The following ZNF385B variants were observed in gnomAD, a reference collection of about 807,000 sequenced individuals.
ZNF385B encodes the protein zinc finger protein 385B.
Under a neutral mutation model 39.2 loss-of-function variants are expected in ZNF385B, and 23 were observed. The ratio of observed to expected loss-of-function variants is 0.59; its 90% CI spans 0.42 to 0.83. The LOEUF (loss-of-function observed/expected upper bound fraction) is 0.83, where lower values mean the gene tolerates loss of function less well. ZNF385B is among the 40% of genes least tolerant of loss of function. The pLI is 0.00. For missense variants in ZNF385B, 552 were observed against 598.9 expected (o/e 0.92, Z 0.82); for synonymous variants, 205 against 222.6 (o/e 0.92, Z 0.70).
At chr2:179,765,882 C>G (rs1404700337) in intron 3 of ZNF385B, among the ~76,000 whole-genome samples, 1 of 152,270 alleles carries the variant, frequency 6.6e-6, no homozygotes, top group Middle Eastern at 3.4e-3. Flanking sequence ...TATATGCAAA[C>G]TAAGTTACCT....
chr2:179,642,206 G>T (rs1044175230), intron 3 of ZNF385B, among the ~76,000 whole-genome samples: 1 of 152,118 alleles, frequency 6.6e-6, no homozygotes, highest in Non-Finnish European at 1.5e-5. Flanking sequence ...GAATCATTTG[G>T]TCTTGTCTTC....
chr2:179,621,852 T>C (rs142234796), intron 3 of ZNF385B, among the ~76,000 whole-genome samples: 1 of 152,314 alleles, frequency 6.6e-6, no homozygotes, highest in East Asian at 1.9e-4. Flanking sequence ...ACTATCTTCT[T>C]TTAGGCCACT....
intron 3 of ZNF385B, among the ~76,000 whole-genome samples, chr2:179,767,361 AG>A (rs1703762748): frequency 6.6e-6 from 1 of 152,202 alleles, no homozygotes; most frequent in Admixed American, 6.5e-5. Context: ...TCCCACCACT[AG>A]GCTGAAGAGC....
chr2:179,667,136 CA>C (rs1158073875), intron 3 of ZNF385B, among the ~76,000 whole-genome samples: 2 of 152,088 alleles, frequency 1.3e-5, no homozygotes. Flanking sequence ...TTCCCCCCAC[CA>C]AAAGGGAAAG....
chr2:179,734,728 T>C (rs1701628711), intron 3 of ZNF385B, among the ~76,000 whole-genome samples: 1 of 152,164 alleles, frequency 6.6e-6, no homozygotes, highest in Non-Finnish European at 1.5e-5. Context: ...AGAAAGATAT[T>C]GTAAAATAAA....
At chr2:179,829,300 T>A (rs1707844766) in intron 1 of ZNF385B, among the ~76,000 whole-genome samples, 1 of 152,074 alleles carries the variant, frequency 6.6e-6, no homozygotes, top group Non-Finnish European at 1.5e-5. Flanking sequence ...TATAAATATA[T>A]CCAAGAATAA....
chr2:179,671,270 A>T (rs1695961930), intron 3 of ZNF385B, among the ~76,000 whole-genome samples: 1 of 152,312 alleles, frequency 6.6e-6, no homozygotes, highest in Admixed American at 6.5e-5. Flanking sequence ...TGTGATTTCC[A>T]GCTCAGCTCA....
Position 179,546,989 on chromosome 2 carries a change from C to T in ZNF385B, c.299-2020G>A, listed in dbSNP as rs1031375642. ...TTTTTGAAGATCAATAATGATTGAA[C>T]ACATTTTCATATACCTGTTTGCCAT... is the stretch of plus-strand genomic sequence containing the variant. On this transcript the variant is annotated intron_variant, in intron 3 of 9. Transcript: ENST00000410066. 5.3e-5 allele frequency among the ~76,000 whole-genome samples: 8 copies of T among 149,958 alleles called. 1 individual carries two copies. The South Asian group carries it at 1.7e-3, about 32-fold the overall frequency.
intron 3 of ZNF385B, among the ~76,000 whole-genome samples, chr2:179,591,025 G>A (rs1013508888): frequency 1.3e-5 from 2 of 151,812 alleles, no homozygotes; most frequent in Non-Finnish European, 2.9e-5. Context: ...GGTTTAATGG[G>A]ATGTTTGGGA....
intron 3 of ZNF385B, among the ~76,000 whole-genome samples, chr2:179,570,293 C>G (rs1344387731): frequency 6.6e-6 from 1 of 152,114 alleles, no homozygotes; most frequent in African/African-American, 2.4e-5. Context: ...AAGCTGGTTC[C>G]TTTGTGAGTT....
chr2:179,450,871 C>T (rs1322662149), intron 6 of ZNF385B, among the ~76,000 whole-genome samples: 1 of 152,038 alleles, frequency 6.6e-6, no homozygotes, highest in East Asian at 1.9e-4. Context: ...CAATGATAGA[C>T]TGGATTAAGA....
chr2:179,690,372 C>T (rs1190079108), intron 3 of ZNF385B, among the ~76,000 whole-genome samples: 4 of 152,170 alleles, frequency 2.6e-5, no homozygotes, highest in South Asian at 2.1e-4. Context: ...GGACCATTCA[C>T]GTCTGTGCAT....
chr2:179,750,457 A>G (rs1006432005), intron 3 of ZNF385B, among the ~76,000 whole-genome samples: 21 of 152,172 alleles, frequency 1.4e-4, no homozygotes, highest in African/African-American at 5.1e-4. Context: ...GTATATCAGT[A>G]TTCCTTCTAC....
chr2:179,666,351 TAACA>T (rs1450240615), intron 3 of ZNF385B, among the ~76,000 whole-genome samples: 1 of 152,238 alleles, frequency 6.6e-6, no homozygotes, highest in Non-Finnish European at 1.5e-5. Context: ...TCCTGTGATT[TAACA>T]TTGTTAAATT....
intron 3 of ZNF385B, among the ~76,000 whole-genome samples, chr2:179,616,017 T>G (rs994505546): frequency 1.3e-5 from 2 of 152,230 alleles, no homozygotes; most frequent in Admixed American, 6.5e-5. Context: ...TAGAATAGTA[T>G]TTAATCATCT....
chr2:179,754,940 G>T (rs1042390390), intron 3 of ZNF385B, among the ~76,000 whole-genome samples: 6 of 152,008 alleles, frequency 3.9e-5, no homozygotes, highest in African/African-American at 1.5e-4. Flanking sequence ...CTTCACTTCT[G>T]CTCTGATCTT....
chr2:179,447,470 T>C (rs146002662), intron 6 of ZNF385B, among the ~76,000 whole-genome samples: 1 of 152,322 alleles, frequency 6.6e-6, no homozygotes, highest in East Asian at 1.9e-4. Context: ...TTTGATCATG[T>C]AGCTATTAAA....
At chr2:179,638,572 T>G (rs1465643261) in intron 3 of ZNF385B, among the ~76,000 whole-genome samples, 2 of 152,006 alleles carry the variant, frequency 1.3e-5, no homozygotes, top group Non-Finnish European at 2.9e-5. Flanking sequence ...GAAATGAAAT[T>G]GAGGGTAGCA....
intron 4 of ZNF385B, among the ~76,000 whole-genome samples, chr2:179,524,408 C>G (rs909945723): frequency 6.6e-6 from 1 of 151,278 alleles, no homozygotes; most frequent in Non-Finnish European, 1.5e-5. Flanking sequence ...AAAAATTAGC[C>G]GGGCGTGGTG....
Sources: gnomAD v4.1 joint callset for allele counts (sites outside exome capture counted in the v4.1 genomes callset) on GRCh38, gnomAD v4.1.1 for gene constraint, MANE v1.5 for transcripts, NCBI Gene and HGNC (gene_info 2026-07-23, HGNC 2026-07-21) for gene names.